Variants in ABLIM2 observed in about 807,000 individuals in gnomAD.
ABLIM2 encodes the protein actin binding LIM protein family member 2.
Under a neutral mutation model 97.7 loss-of-function variants are expected in ABLIM2, and 53 were observed. The observed-to-expected ratio is 0.54, with a 90% CI of 0.44 to 0.68. The LOEUF is 0.68. Among genes scored for constraint, ABLIM2 ranks in the 30% least tolerant of loss-of-function variants. The probability of loss-of-function intolerance (pLI) is 0.00; values close to 1 mark genes in which losing one functional copy is unlikely to be tolerated. For synonymous variants in ABLIM2, 361 were observed against 345.8 expected (o/e 1.04, Z -0.49); for missense variants, 835 against 867.2 (o/e 0.96, Z 0.47).
chr4:8,101,845 T>C (rs936151398), intron 2 of ABLIM2, among the ~76,000 whole-genome samples: 10 of 152,222 alleles, frequency 6.6e-5, no homozygotes, highest in Non-Finnish European at 1.0e-4. Context: ...TTTCCAGGCA[T>C]TCTGTGCTAT....
At position 8,001,875 on chromosome 4, in the gene ABLIM2, C is replaced by G. The variant is rs1027096974; in HGVS notation, c.1618+6184G>C. Among the ~76,000 whole-genome samples, 27 of 152,194 alleles carry G rather than the reference C, an allele frequency of 1.8e-4. No individual in the cohort carries two copies. Among genetic ancestry groups the G allele is most frequent in the African/African-American group, 6.5e-4 (27 of 41,442 alleles). On this transcript the variant is annotated intron_variant, in intron 16 of 20. Transcript: ENST00000447017. The surrounding 1 kb of genome is among the most constrained non-coding windows in gnomAD (Gnocchi z 4.2). Reference sequence around the variant, plus strand: ...CCACTTCCTCTGTGGAATCTCCTGCCCCCCGATGGCACCTTCCCACCTGCC... The same window carrying G: ...CCACTTCCTCTGTGGAATCTCCTGCGCCCCGATGGCACCTTCCCACCTGCC...
intron 2 of ABLIM2, among the ~76,000 whole-genome samples, chr4:8,099,331 C>T (rs1164249903): frequency 6.6e-6 from 1 of 152,190 alleles, no homozygotes; most frequent in Non-Finnish European, 1.5e-5. Context: ...ATGGCTCTGG[C>T]ATTTCTGTAT....
chr4:8,109,188 T>C (rs1173330832), intron 1 of ABLIM2, among the ~76,000 whole-genome samples: 1 of 147,962 alleles, frequency 6.8e-6, no homozygotes, highest in African/African-American at 2.4e-5. Context: ...GCCTGGCGTA[T>C]AGGCTGAGTG....
chr4:7,984,754 T>C lies in ABLIM2; in HGVS notation c.1735+85A>G, dbSNP rs541834819. 4.3e-5 allele frequency: 59 copies of C among 1,385,912 alleles called. 1 individual carries two copies. In the African/African-American group the frequency reaches 5.7e-4, roughly 13 times the overall value. 85.9% of individuals were successfully genotyped at this position (1,385,912 alleles called of 1,614,324 possible). On this transcript the variant is annotated intron_variant, in intron 18 of 20. Transcript: ENST00000447017. ...CCCGGAGCCTTCTGCAGGCTGCGGATGGGGTGGTTTCAGAACAAGTCTTGT... is the reference window on the plus strand; with the variant it reads ...CCCGGAGCCTTCTGCAGGCTGCGGACGGGGTGGTTTCAGAACAAGTCTTGT...
chr4:8,111,397 A>G (rs1163564397), intron 1 of ABLIM2, among the ~76,000 whole-genome samples: 1 of 152,220 alleles, frequency 6.6e-6, no homozygotes, highest in Non-Finnish European at 1.5e-5. Flanking sequence ...GTAATGGTGG[A>G]TCCACGACAC....
chr4:8,001,788 C>A lies in ABLIM2; in HGVS notation c.1618+6271G>T, dbSNP rs1352758762. On this transcript the variant is annotated intron_variant, in intron 16 of 20. Coordinates refer to ENST00000447017, the MANE Select transcript of ABLIM2 (RefSeq NM_001130083.2). The surrounding 1 kb of genome is among the most constrained non-coding windows in gnomAD (Gnocchi z 4.2). The stretch of plus-strand genomic sequence containing the variant: ...CTGCAGGATCAGCCCTGCTGGCTGC[C>A]CCCTTCCCCACTTCCCTGGCCCACT... Among the ~76,000 whole-genome samples, 1 of 152,134 alleles carries A rather than the reference C, an allele frequency of 6.6e-6. No homozygotes were observed. The highest frequency in any genetic ancestry group is 1.5e-5 in the Non-Finnish European group (1 of 68,026).
intron 1 of ABLIM2, among the ~76,000 whole-genome samples, chr4:8,156,290 CTGAT>C (rs1715308457): frequency 6.6e-6 from 1 of 151,928 alleles, no homozygotes; most frequent in Non-Finnish European, 1.5e-5. Context: ...CTACACCACA[CTGAT>C]TGTCACTTGC....
chr4:8,039,170 T>C (rs1045049760), intron 9 of ABLIM2, among the ~76,000 whole-genome samples: 1 of 152,154 alleles, frequency 6.6e-6, no homozygotes, highest in African/African-American at 2.4e-5. Context: ...GGCTTGTGAA[T>C]TGAACAAAAG....
intron 6 of ABLIM2, among the ~76,000 whole-genome samples, chr4:8,063,441 A>G (rs971200553): frequency 1.3e-5 from 2 of 152,264 alleles, no homozygotes; most frequent in African/African-American, 4.8e-5. Flanking sequence ...GCTCGGGCCA[A>G]GAAGCCTGTT....
chr4:8,044,234 G>T lies in ABLIM2; in HGVS notation c.900+930C>A, dbSNP rs367857866. Among the ~76,000 whole-genome samples, 1 of 152,170 alleles carries T rather than the reference G, an allele frequency of 6.6e-6. No individual in the cohort carries two copies. Among genetic ancestry groups the T allele is most frequent in the Non-Finnish European group, 1.5e-5 (1 of 68,028 alleles). On this transcript the variant is annotated intron_variant, in intron 9 of 20. Coordinates refer to ENST00000447017, the MANE Select transcript of ABLIM2 (RefSeq NM_001130083.2). The surrounding 1 kb of genome is among the most constrained non-coding windows in gnomAD (Gnocchi z 4.4). ...ACCCAGGTCCTGGCCTGGCGGGGAC[G>T]GGGAGGGGAGAAGGGGCTTGTCCCA... is the stretch of plus-strand genomic sequence containing the variant.
chr4:8,021,465 T>G lies in ABLIM2; in HGVS notation c.1268-1162A>C, dbSNP rs1471001712. On this transcript the variant is annotated intron_variant, in intron 12 of 20. Coordinates refer to ENST00000447017, the MANE Select transcript of ABLIM2 (RefSeq NM_001130083.2). The surrounding 1 kb of genome is among the most constrained non-coding windows in gnomAD (Gnocchi z 5.5). ...CAGCCCCAGGAAGCCCCCTCAGCAC[T>G]AGGCAATGGGCTGCAAGGGGTAAGG... Among the ~76,000 whole-genome samples, 1 of 152,180 alleles carries G rather than the reference T, an allele frequency of 6.6e-6. No homozygotes were observed. Among genetic ancestry groups the G allele is most frequent in the Non-Finnish European group, 1.5e-5 (1 of 68,032 alleles).
In ABLIM2 at chr4:7,992,807, C is replaced by T. The variant is rs1749940607; in HGVS notation, c.1680+59G>A. The T allele has an allele frequency of 1.3e-5, 21 of 1,564,286 alleles. No homozygotes were observed. Among genetic ancestry groups the T allele is most frequent in the Middle Eastern group, 2.0e-4 (1 of 5,076 alleles). On this transcript the variant is annotated intron_variant, in intron 17 of 20. Coordinates refer to ENST00000447017, the MANE Select transcript of ABLIM2 (RefSeq NM_001130083.2). The surrounding 1 kb of genome is among the most constrained non-coding windows in gnomAD (Gnocchi z 5.7). ...TGTGTGGTCAAGAAGCTGTGGGAAACGTGCTCAGCCTCACAGCAATCGTTA... is the reference window on the plus strand; with the variant it reads ...TGTGTGGTCAAGAAGCTGTGGGAAATGTGCTCAGCCTCACAGCAATCGTTA...
Position 8,021,634 on chromosome 4 carries a change from C to T in ABLIM2, c.1268-1331G>A, listed in dbSNP as rs557439343. 2.2e-4 allele frequency among the ~76,000 whole-genome samples: 33 copies of T among 152,336 alleles called. No homozygotes were observed. Among genetic ancestry groups the T allele is most frequent in the Non-Finnish European group, 1.5e-4 (10 of 68,030 alleles). On this transcript the variant is annotated intron_variant, in intron 12 of 20. Transcript: ENST00000447017. This position sits in a 1 kb window ranked among gnomAD's most constrained non-coding sequence, Gnocchi z 5.5. ...GCCTGAAGGTGGACTGGCCAGGGAC[C>T]CCACAGTGGACTCGTGAGGAGGGCT... is the stretch of plus-strand genomic sequence containing the variant.
intron 17 of ABLIM2, among the ~76,000 whole-genome samples, chr4:7,985,284 C>A (rs140406383): frequency 4.5e-4 from 68 of 152,324 alleles, no homozygotes; most frequent in African/African-American, 1.6e-3. Flanking sequence ...GCGCTAGGCA[C>A]AGCGCTCTGC....
At chr4:8,117,988 C>A (rs1843534170) in intron 1 of ABLIM2, among the ~76,000 whole-genome samples, 1 of 152,194 alleles carries the variant, frequency 6.6e-6, no homozygotes, top group African/African-American at 2.4e-5. Context: ...CCAAACACAG[C>A]CCCAGGAAGA....
At chr4:8,084,010 A>C (rs1458133348) in intron 4 of ABLIM2, among the ~76,000 whole-genome samples, 1 of 152,036 alleles carries the variant, frequency 6.6e-6, no homozygotes, top group Non-Finnish European at 1.5e-5. Context: ...CCCCCTCTGC[A>C]GCACCTCAGG....
At position 8,156,356 on chromosome 4, in the gene ABLIM2, AG is replaced by A. The variant is rs991998170; in HGVS notation, c.10+2323del. Among the ~76,000 whole-genome samples, 118 of 152,246 alleles carry A rather than the reference AG, an allele frequency of 7.8e-4. 1 individual carries two copies. The highest frequency in any genetic ancestry group is 3.4e-3 in the Middle Eastern group (1 of 294). On this transcript the variant is annotated intron_variant, in intron 1 of 20. Transcript: ENST00000447017. ...GCCATACTACTGGGGAAACTGAGGC[AG>A]GGGGCGCCCCACAGCTAGGACATTG...
chr4:7,975,970 G>A (rs140727712), intron 20 of ABLIM2, among the ~76,000 whole-genome samples: 101 of 152,160 alleles, frequency 6.6e-4, no homozygotes, highest in African/African-American at 2.2e-3. Context: ...TAGCTCAATC[G>A]TGTTCAGGCA....
rs779489144 is a variant in ABLIM2, at chr4:8,127,600, G to A, written c.11-20963C>T. 5.0e-5 allele frequency: 65 copies of A among 1,289,634 alleles called. No homozygotes were observed. Among genetic ancestry groups the A allele is most frequent in the African/African-American group, 3.9e-4 (26 of 65,964 alleles). The allele number at this position is 1,289,634 out of a possible 1,614,324, so 79.9% of individuals were successfully genotyped here. On this transcript the variant is annotated intron_variant, in intron 1 of 20. Transcript: ENST00000447017. This position sits in a 1 kb window ranked among gnomAD's most constrained non-coding sequence, Gnocchi z 7.3. ...GCGTGGCTGCTTGCAAAGGGCCAGC[G>A]GGTCGGCGGCTCTCCCTCTGCGTGG... is the stretch of plus-strand genomic sequence containing the variant.
Sources: allele counts gnomAD v4.1 joint callset (sites outside exome capture counted in the v4.1 genomes callset), GRCh38; gene constraint gnomAD v4.1.1; non-coding constraint Gnocchi (gnomAD v3.1); transcripts MANE v1.5; gene names NCBI Gene and HGNC (gene_info 2026-07-23, HGNC 2026-07-21).